SELENOF: variants seen among roughly 807,000 people sequenced by gnomAD.
SELENOF encodes the protein selenoprotein F.
In SELENOF, 16 loss-of-function variants were observed where a neutral mutation model predicts 20.5. That is an observed-to-expected ratio of 0.78 (90% confidence interval 0.53 to 1.19). SELENOF has a LOEUF of 1.19. Ranked by LOEUF, SELENOF falls within the 50% of genes most tolerant of loss-of-function variation. The pLI is 0.00. For synonymous variants in SELENOF, 78 were observed against 74.5 expected (o/e 1.05, Z -0.24); for missense variants, 215 against 194.2 (o/e 1.11, Z -0.64).
chr1:86,863,449 G>A lies in SELENOF; in HGVS notation c.*25C>T. ...TATTTCATTTGATAAGGTAACAAAA[G>A]GATAGGACAAAATTTAAGCAAGATT... On this transcript the variant is annotated 3_prime_UTR_variant, in exon 5 of 5. Transcript: ENST00000331835. 1 of 1,598,038 alleles carries A rather than the reference G, an allele frequency of 6.3e-7. No individual in the cohort carries two copies. The highest frequency in any genetic ancestry group is 8.5e-7 in the Non-Finnish European group (1 of 1,170,710).
At chr1:86,888,466 G>A (rs995054658) in intron 2 of SELENOF, among the ~76,000 whole-genome samples, 1 of 152,016 alleles carries the variant, frequency 6.6e-6, no homozygotes, top group Non-Finnish European at 1.5e-5. Flanking sequence ...GTAGAGATGG[G>A]GTCTTGCTAT....
At chr1:86,865,743 C>G (rs1381371806) in intron 4 of SELENOF, among the ~76,000 whole-genome samples, 1 of 152,130 alleles carries the variant, frequency 6.6e-6, no homozygotes, top group African/African-American at 2.4e-5. Context: ...ATAGAATTAC[C>G]ATATGATCCA....
intron 2 of SELENOF, among the ~76,000 whole-genome samples, chr1:86,884,066 T>C (rs1233508229): frequency 1.3e-5 from 2 of 152,172 alleles, no homozygotes; most frequent in Admixed American, 1.3e-4. Flanking sequence ...AGCCTGTAAC[T>C]TGACAGCAGA....
intron 4 of SELENOF, among the ~76,000 whole-genome samples, 154 bp downstream of exon 4, chr1:86,867,898 TA>T (rs1389737359): frequency 2.6e-5 from 4 of 152,000 alleles, no homozygotes; most frequent in Non-Finnish European, 5.9e-5. Flanking sequence ...TCTATTAATT[TA>T]AAAAAATTAT....
At chr1:86,887,075 G>A in intron 2 of SELENOF, 2 of 1,384,572 alleles carry the variant, frequency 1.4e-6, no homozygotes, top group East Asian at 2.8e-5. Context: ...ACCATGTTTA[G>A]TGATCTACTG....
intron 3 of SELENOF, among the ~76,000 whole-genome samples, chr1:86,879,657 A>C (rs1251228157): frequency 6.6e-6 from 1 of 152,188 alleles, no homozygotes; most frequent in Non-Finnish European, 1.5e-5. Context: ...TTGAATACTT[A>C]TGTATTTCAG....
intron 1 of SELENOF, among the ~76,000 whole-genome samples, chr1:86,910,308 C>T (rs1265780800): frequency 6.6e-6 from 1 of 152,176 alleles, no homozygotes; most frequent in African/African-American, 2.4e-5. Context: ...AATGGTGTGG[C>T]TGTGGCTGAT....
Position 86,895,397 on chromosome 1 carries a change from G to A in SELENOF, c.252+7884C>T, listed in dbSNP as rs183682211. ...TACTATTACTGCTGCTGCTGTCATC[G>A]CCACCTGCAGCAAGTATTTACCTAC... On this transcript the variant is annotated intron_variant, in intron 2 of 4. Coordinates refer to ENST00000331835, the MANE Select transcript of SELENOF (RefSeq NM_004261.5). Among the ~76,000 whole-genome samples the A allele has an allele frequency of 1.3e-3, 194 of 152,146 alleles. 2 individuals carry two copies. The highest frequency in any genetic ancestry group is 0.013 in the South Asian group (61 of 4,814).
At chr1:86,909,859 G>C (rs78580052) in intron 1 of SELENOF, among the ~76,000 whole-genome samples, 1 of 152,152 alleles carries the variant, frequency 6.6e-6, no homozygotes, top group Non-Finnish European at 1.5e-5. Context: ...CAAAAAATTA[G>C]CTGGGCGTGG....
chr1:86,885,096 T>G (rs1386676920), intron 2 of SELENOF, among the ~76,000 whole-genome samples: 1 of 152,206 alleles, frequency 6.6e-6, no homozygotes, highest in Non-Finnish European at 1.5e-5. Context: ...TCATTAGTCT[T>G]CGGATAAATT....
chr1:86,898,486 C>G (rs2102116919), intron 2 of SELENOF, among the ~76,000 whole-genome samples: 1 of 152,034 alleles, frequency 6.6e-6, no homozygotes, highest in South Asian at 2.1e-4. Context: ...AAGCATCCAA[C>G]TAATTAAGAA....
chr1:86,873,044 A>AAAATAAATAAATAAAT (rs71582985), intron 3 of SELENOF, among the ~76,000 whole-genome samples: 28 of 141,786 alleles, frequency 2.0e-4, no homozygotes, highest in East Asian at 1.1e-3. Context: ...GACTCCGTCT[A>AAAATAAATAAATAAAT]AAATAAATAA....
intron 2 of SELENOF, among the ~76,000 whole-genome samples, chr1:86,888,382 CTGAAAA>C (rs1186987957): frequency 6.6e-6 from 1 of 151,630 alleles, no homozygotes; most frequent in Non-Finnish European, 1.5e-5. Flanking sequence ...AAATGGAAAA[CTGAAAA>C]TGAAGGTCCT....
chr1:86,865,486 A>G lies in SELENOF; in HGVS notation c.367-1881T>C, dbSNP rs556809071. Reference sequence around the variant, plus strand: ...AATGGGCAAAGGACTTGAATAAACAATGTTCTAAAGAAGATAAACAAATGG... The same window carrying G: ...AATGGGCAAAGGACTTGAATAAACAGTGTTCTAAAGAAGATAAACAAATGG... On this transcript the variant is annotated intron_variant, in intron 4 of 4. Coordinates refer to ENST00000331835, the MANE Select transcript of SELENOF (RefSeq NM_004261.5). 3.3e-5 allele frequency among the ~76,000 whole-genome samples: 5 copies of G among 152,338 alleles called. No individual in the cohort carries two copies. In the South Asian group the frequency reaches 1.0e-3, roughly 32 times the overall value.
intron 4 of SELENOF, among the ~76,000 whole-genome samples, chr1:86,864,409 T>C (rs1658539741): frequency 6.6e-6 from 1 of 152,202 alleles, no homozygotes; most frequent in African/African-American, 2.4e-5. Flanking sequence ...TAACTAACAA[T>C]GTAGTTATGT....
intron 3 of SELENOF, among the ~76,000 whole-genome samples, chr1:86,873,442 G>T (rs1025813417): frequency 2.0e-5 from 3 of 152,214 alleles, no homozygotes; most frequent in African/African-American, 4.8e-5. Context: ...CTTTCTAATA[G>T]AACTTTCTGA....
chr1:86,884,802 T>C (rs1309975710), intron 2 of SELENOF, among the ~76,000 whole-genome samples: 1 of 152,240 alleles, frequency 6.6e-6, no homozygotes, highest in Non-Finnish European at 1.5e-5. Flanking sequence ...AGAGGAGTCT[T>C]ACTTGTACAG....
intron 3 of SELENOF, among the ~76,000 whole-genome samples, chr1:86,879,255 A>G (rs1659000559): frequency 6.6e-6 from 1 of 152,206 alleles, no homozygotes; most frequent in South Asian, 2.1e-4. Context: ...GGATATAAAA[A>G]AGCCAAAACA....
chr1:86,907,005 T>G (rs139302309), intron 1 of SELENOF, among the ~76,000 whole-genome samples: 3 of 152,244 alleles, frequency 2.0e-5, no homozygotes, highest in African/African-American at 7.2e-5. Context: ...TGAATAATCA[T>G]GCAATTATAC....
Sources: gnomAD v4.1 joint callset for allele counts (sites outside exome capture counted in the v4.1 genomes callset) on GRCh38, gnomAD v4.1.1 for gene constraint, MANE v1.5 for transcripts, NCBI Gene and HGNC (gene_info 2026-07-23, HGNC 2026-07-21) for gene names.